The following NPIPB2 variants were observed in gnomAD, a reference collection of about 807,000 sequenced individuals.
The protein encoded by NPIPB2 is nuclear pore complex interacting protein family member B2.
NPIPB2 carries 27 observed loss-of-function variants against 30.8 expected under a neutral mutation model. That is an observed-to-expected ratio of 0.88 (90% CI 0.65 to 1.21). The LOEUF (loss-of-function observed/expected upper bound fraction) is 1.21, where lower values mean the gene tolerates loss of function less well. NPIPB2 is among the 50% of genes most tolerant of loss of function. The pLI, the probability that NPIPB2 is intolerant of heterozygous loss-of-function variation, is 0.00. For synonymous variants in NPIPB2, 147 were observed against 162.0 expected (o/e 0.91, Z 0.70); for missense variants, 440 against 446.2 (o/e 0.99, Z 0.13).
upstream of NPIPB2, among the ~76,000 whole-genome samples, chr16:11,943,690 A>G (rs1277611557): frequency 2.1e-5 from 3 of 145,722 alleles, no homozygotes; most frequent in African/African-American, 7.7e-5. Context: ...CAACAAGAGC[A>G]AAACTCCGTC....
At chr16:11,975,615 G>T (rs2055281807) in intron 1 of NPIPB2, among the ~76,000 whole-genome samples, 1 of 151,550 alleles carries the variant, frequency 6.6e-6, no homozygotes, top group African/African-American at 2.4e-5. Context: ...TGTTGAGAGG[G>T]AGTCTCACTC....
intron 1 of NPIPB2, among the ~76,000 whole-genome samples, chr16:11,963,177 C>T (rs143493105): frequency 0.012 from 1,902 of 152,178 alleles, 15 homozygotes; most frequent in Middle Eastern, 0.034. Flanking sequence ...GTCAGGAGTT[C>T]GAAACCAGCC....
At chr16:11,965,160 C>A in intron 1 of NPIPB2, 1 of 784,310 alleles carries the variant, frequency 1.3e-6, no homozygotes. Flanking sequence ...CCTTAGCTGC[C>A]GCGAAGACAC....
intron 1 of NPIPB2, among the ~76,000 whole-genome samples, chr16:11,964,703 C>T (rs1313387744): frequency 1.3e-5 from 2 of 152,306 alleles, no homozygotes; most frequent in Admixed American, 6.5e-5. Context: ...GAGAGCGCCA[C>T]GGCGCCCAGC....
Position 11,927,437 on chromosome 16 carries a change from G to A in NPIPB2, c.1130C>T (p.Ser377Leu), listed in dbSNP as rs765611030. ...CCTCCGCCTCTTGGGCTCGGGTGATGATGGTTCCACCTCAGCGGCCCTCCG... is the reference window on the plus strand; with the variant it reads ...CCTCCGCCTCTTGGGCTCGGGTGATAATGGTTCCACCTCAGCGGCCCTCCG... The change falls in exon 8 of 8, where the codon TCA (serine) becomes TTA (leucine). Residue 377 changes from serine to leucine, a missense_variant. By Grantham distance (145) the Ser-to-Leu change is moderately radical. Transcript: ENST00000399147. 2.4e-6 allele frequency: 3 copies of A among 1,232,896 alleles called. No homozygotes were observed. The African/African-American group carries it at 4.5e-5, about 18-fold the overall frequency. The allele number at this position is 1,232,896 out of a possible 1,614,324, so 76.4% of individuals were successfully genotyped here. A position where few individuals can be genotyped will look rare whatever the true frequency, so the allele number is the denominator to read the frequency against.
upstream of NPIPB2, among the ~76,000 whole-genome samples, chr16:11,946,970 C>G (rs1044931165): frequency 7.3e-5 from 11 of 149,950 alleles, no homozygotes; most frequent in African/African-American, 2.7e-4. Context: ...GATCCACCTG[C>G]CTCAATCTCC....
chr16:11,933,627 T>C (rs372613650), exon 4 of NPIPB2: 15 of 1,596,934 alleles, frequency 9.4e-6, no homozygotes, highest in African/African-American at 2.7e-5. Flanking sequence ...CATGTCTCCG[T>C]AGAGTAATGA....
chr16:11,967,157 C>T, intron 1 of NPIPB2: 1 of 200,362 alleles, frequency 5.0e-6, no homozygotes, highest in South Asian at 6.8e-5. Context: ...TGTGCCATCA[C>T]CTCCGACTAA....
At chr16:11,959,670 T>C (rs2055140088) in intron 1 of NPIPB2, among the ~76,000 whole-genome samples, 1 of 152,216 alleles carries the variant, frequency 6.6e-6, no homozygotes, top group Admixed American at 6.5e-5. Context: ...TTTTCTTTCT[T>C]TAGATTTTGT....
intron 1 of NPIPB2, among the ~76,000 whole-genome samples, chr16:11,953,320 G>A (rs566906920): frequency 2.6e-5 from 4 of 151,218 alleles, no homozygotes; most frequent in East Asian, 3.9e-4. Context: ...TAATTTTTGG[G>A]TTTTTTGTTT....
chr16:11,963,012 C>T lies in NPIPB2; in HGVS notation c.-584+13556G>A, dbSNP rs142952128. On this transcript the variant is annotated intron_variant, in intron 1 of 5. Coordinates refer to the NPIPB2 transcript ENST00000538896. ...AACCCGGGAGGCAGAGGTTGCAGATCGCACTACTGTACCCCAGCCTGGCAA... is the reference window on the plus strand; with the variant it reads ...AACCCGGGAGGCAGAGGTTGCAGATTGCACTACTGTACCCCAGCCTGGCAA... Among the ~76,000 whole-genome samples the T allele has an allele frequency of 8.8e-4, 133 of 151,904 alleles. 3 individuals are homozygous for T. The East Asian group carries it at 0.022, about 26-fold the overall frequency.
upstream of NPIPB2, among the ~76,000 whole-genome samples, chr16:11,942,891 C>G (rs1365340463): frequency 6.6e-6 from 1 of 152,106 alleles, no homozygotes; most frequent in Non-Finnish European, 1.5e-5. Context: ...CAGCTGAAAA[C>G]CACTGCTTTA....
chr16:11,934,290 A>C (rs888031262), intron 2 of NPIPB2, among the ~76,000 whole-genome samples: 113 of 149,116 alleles, frequency 7.6e-4, no homozygotes, highest in Non-Finnish European at 1.5e-3. Context: ...ACGGTGGCTC[A>C]CTCCTGTAAT....
chr16:11,939,309 C>A lies in NPIPB2; in HGVS notation c.64-1641G>T, dbSNP rs575664583. 6.8e-3 allele frequency among the ~76,000 whole-genome samples: 1,041 copies of A among 151,984 alleles called. 10 individuals are homozygous for A. Among genetic ancestry groups the A allele is most frequent in the African/African-American group, 0.024 (996 of 41,502 alleles). Reference sequence around the variant, plus strand: ...GGGCGTGGTGGCTCACGCCTGCAATCCCAGCACTTTGGGAAGCCAAGGTGG... The same window carrying A: ...GGGCGTGGTGGCTCACGCCTGCAATACCAGCACTTTGGGAAGCCAAGGTGG... On this transcript the variant is annotated intron_variant, in intron 1 of 7. Transcript: ENST00000399147.
chr16:11,971,149 G>A (rs1247245127), intron 1 of NPIPB2, among the ~76,000 whole-genome samples: 1 of 151,974 alleles, frequency 6.6e-6, no homozygotes, highest in African/African-American at 2.4e-5. Context: ...AAGCCACCAC[G>A]CCTGGCCTAA....
At chr16:11,972,679 C>T in intron 1 of NPIPB2, among the ~76,000 whole-genome samples, 1 of 149,220 alleles carries the variant, frequency 6.7e-6, no homozygotes, top group South Asian at 2.1e-4. Flanking sequence ...TTGAGTCCAT[C>T]CTGGCCAACA....
chr16:11,947,061 G>GTA (rs1175871366), intron 1 of NPIPB2, among the ~76,000 whole-genome samples: 2 of 72,534 alleles, frequency 2.8e-5, no homozygotes, highest in Admixed American at 2.7e-4. Flanking sequence ...TATATATATG[G>GTA]TATATATATA....
chr16:11,950,407 C>G (rs1203313064), intron 1 of NPIPB2, among the ~76,000 whole-genome samples: 1 of 152,090 alleles, frequency 6.6e-6, no homozygotes, highest in Non-Finnish European at 1.5e-5. Flanking sequence ...TGGGCTCAAG[C>G]AATCCTCTTG....
At chr16:11,959,089 GCTTTAATGGCT>G (rs2055136081) in intron 1 of NPIPB2, among the ~76,000 whole-genome samples, 1 of 152,198 alleles carries the variant, frequency 6.6e-6, no homozygotes, top group South Asian at 2.1e-4. Flanking sequence ...GGCAGAAGCA[GCTTTAATGGCT>G]TTGGGAGTTT....
Sources: allele counts gnomAD v4.1 joint callset (sites outside exome capture counted in the v4.1 genomes callset), GRCh38; gene constraint gnomAD v4.1.1; transcripts MANE v1.5; gene names NCBI Gene and HGNC (gene_info 2026-07-23, HGNC 2026-07-21).